The following TAFA5 variants were observed in gnomAD, a reference collection of about 807,000 sequenced individuals.
The protein encoded by TAFA5 is TAFA chemokine like family member 5.
A neutral mutation model predicts 15.3 loss-of-function variants in TAFA5; 6 were observed. That is an observed-to-expected ratio of 0.39 (90% CI 0.21 to 0.77). TAFA5 has a LOEUF of 0.77. Among genes scored for constraint, TAFA5 ranks in the 30% least tolerant of loss-of-function variants. The pLI, the probability that TAFA5 is intolerant of heterozygous loss-of-function variation, is 0.41. For synonymous variants in TAFA5, 103 were observed against 80.7 expected (o/e 1.28, Z -1.48); for missense variants, 161 against 193.1 (o/e 0.83, Z 0.98).
chr22:48,687,490 AT>A (rs1928401385), intron 2 of TAFA5, among the ~76,000 whole-genome samples: 2 of 151,990 alleles, frequency 1.3e-5, no homozygotes, highest in East Asian at 3.8e-4. Context: ...ATGGCTAAAT[AT>A]TTCCTGAACC....
At chr22:48,605,432 G>GTGA (rs1448468274) in intron 1 of TAFA5, among the ~76,000 whole-genome samples, 35 of 50,950 alleles carry the variant, frequency 6.9e-4, no homozygotes, top group South Asian at 1.3e-3. Context: ...GGTGGTGGTG[G>GTGA]TGGTGGTGGT....
At chr22:48,633,408 T>G (rs1258708274) in intron 1 of TAFA5, among the ~76,000 whole-genome samples, 2 of 152,128 alleles carry the variant, frequency 1.3e-5, no homozygotes, top group African/African-American at 4.8e-5. Flanking sequence ...ACAATACAGC[T>G]TATCTTCAGC....
chr22:48,592,109 C>T (rs1191869903), intron 1 of TAFA5, among the ~76,000 whole-genome samples: 1 of 151,978 alleles, frequency 6.6e-6, no homozygotes, highest in Non-Finnish European at 1.5e-5. Flanking sequence ...TCGGGCCCCA[C>T]CCTGAGGCCT....
chr22:48,729,271 T>TTATTTATAAATATATAATAATTTTA (rs1569096772), intron 3 of TAFA5, among the ~76,000 whole-genome samples: 6,402 of 139,144 alleles, frequency 0.046, 212 homozygotes, highest in Admixed American at 0.067. Flanking sequence ...AATTTTATAT[T>TTATTTATAAATATATAATAATTTTA]TATTTATAAA....
rs76441548 is a variant in TAFA5, at chr22:48,695,545, C to T, written c.263-12172C>T. On this transcript the variant is annotated intron_variant, in intron 2 of 3. Transcript: ENST00000402357. Reference sequence around the variant, plus strand: ...GTTGAGCTGAGTAATGTTATGGCCACGGTCTCAGGCAAAGGAGCACCACTT... The same window carrying T: ...GTTGAGCTGAGTAATGTTATGGCCATGGTCTCAGGCAAAGGAGCACCACTT... Among the ~76,000 whole-genome samples, 951 of 152,296 alleles carry T rather than the reference C, an allele frequency of 6.2e-3. 5 individuals are homozygous for T. Among genetic ancestry groups the T allele is most frequent in the African/African-American group, 0.022 (896 of 41,548 alleles).
intron 1 of TAFA5, among the ~76,000 whole-genome samples, chr22:48,617,190 G>T (rs28706934): frequency 6.7e-6 from 1 of 149,486 alleles, no homozygotes; most frequent in Non-Finnish European, 1.5e-5. Context: ...GCGTGACTGC[G>T]GCTTATCCAG....
chr22:48,711,794 A>C (rs957746013), intron 3 of TAFA5, among the ~76,000 whole-genome samples: 2 of 152,098 alleles, frequency 1.3e-5, no homozygotes, highest in African/African-American at 4.8e-5. Flanking sequence ...GCAGGCAGCC[A>C]CCCGCTCCCA....
chr22:48,700,968 G>A (rs1928887489), intron 2 of TAFA5, among the ~76,000 whole-genome samples: 1 of 152,164 alleles, frequency 6.6e-6, no homozygotes, highest in Admixed American at 6.5e-5. Flanking sequence ...TCAGCTGTCT[G>A]CTTCTCGTCC....
chr22:48,576,039 A>ACCCCCCCCCCCCCC lies in TAFA5; in HGVS notation c.113-70557_113-70544dup, dbSNP rs535068094. Among the ~76,000 whole-genome samples the ACCCCCCCCCCCCCC allele has an allele frequency of 2.5e-4, 8 of 31,432 alleles. 2 individuals carry two copies. Among genetic ancestry groups the ACCCCCCCCCCCCCC allele is most frequent in the African/African-American group, 9.4e-4 (4 of 4,258 alleles). The allele number at this position is 31,432 out of a possible 152,430, so 20.6% of individuals were successfully genotyped here. ...GAGGAGGGGGCCGGGGCCGCGCCGG[A>ACCCCCCCCCCCCCC]CCCCCCCCCCCCCCGCGCCGCCCGG... On this transcript the variant is annotated intron_variant, in intron 1 of 3. Coordinates refer to ENST00000402357, the MANE Select transcript of TAFA5 (RefSeq NM_001082967.3).
At chr22:48,714,559 G>C (rs1929346955) in intron 3 of TAFA5, among the ~76,000 whole-genome samples, 1 of 152,188 alleles carries the variant, frequency 6.6e-6, no homozygotes. Context: ...AGAGACCTGG[G>C]CGGCGTTGGA....
At chr22:48,746,986 C>G (rs1265831208) in intron 3 of TAFA5, among the ~76,000 whole-genome samples, 3 of 152,212 alleles carry the variant, frequency 2.0e-5, no homozygotes, top group Admixed American at 1.3e-4. Context: ...TCGCCCATAC[C>G]CTACAGAGTG....
chr22:48,618,335 C>T (rs1395111863), intron 1 of TAFA5, among the ~76,000 whole-genome samples: 4 of 152,214 alleles, frequency 2.6e-5, no homozygotes, highest in African/African-American at 7.2e-5. Flanking sequence ...CACTGACGCT[C>T]GCCTCTGCCA....
chr22:48,596,394 G>A (rs1031129667), intron 1 of TAFA5, among the ~76,000 whole-genome samples: 3 of 152,206 alleles, frequency 2.0e-5, no homozygotes, highest in Non-Finnish European at 4.4e-5. Context: ...GGTCCTCACT[G>A]ATTAACGCTC....
chr22:48,556,934 G>A (rs940241035), intron 1 of TAFA5, among the ~76,000 whole-genome samples: 9 of 152,316 alleles, frequency 5.9e-5, no homozygotes, highest in East Asian at 1.9e-4. Flanking sequence ...GCACAGACCC[G>A]CCTGCTTGGT....
At chr22:48,604,484 G>A (rs918248508) in intron 1 of TAFA5, among the ~76,000 whole-genome samples, 1 of 152,222 alleles carries the variant, frequency 6.6e-6, no homozygotes, top group Non-Finnish European at 1.5e-5. Flanking sequence ...GGGAAGACCT[G>A]GGCTGGCATC....
intron 1 of TAFA5, among the ~76,000 whole-genome samples, chr22:48,511,852 C>G (rs918352521): frequency 6.6e-6 from 1 of 152,222 alleles, no homozygotes. Flanking sequence ...CCCCCGAAGC[C>G]GAGGCTGATG....
At chr22:48,576,714 G>C (rs1569031649) in intron 1 of TAFA5, 2 of 1,043,668 alleles carry the variant, frequency 1.9e-6, no homozygotes, top group Non-Finnish European at 2.4e-6. Context: ...GCCCGGAGCG[G>C]CCGGCGGCGC....
intron 1 of TAFA5, among the ~76,000 whole-genome samples, chr22:48,507,861 A>G (rs1206083520): frequency 6.6e-6 from 1 of 152,146 alleles, no homozygotes; most frequent in Non-Finnish European, 1.5e-5. Flanking sequence ...TCCGTGGGCC[A>G]GGAAGCTGGG....
intron 1 of TAFA5, among the ~76,000 whole-genome samples, chr22:48,571,723 T>C (rs1415403918): frequency 2.0e-5 from 3 of 151,898 alleles, no homozygotes; most frequent in Non-Finnish European, 4.4e-5. Context: ...ATTTATTTAT[T>C]TGACTATTTC....
Sources: allele counts gnomAD v4.1 joint callset (sites outside exome capture counted in the v4.1 genomes callset), GRCh38; gene constraint gnomAD v4.1.1; transcripts MANE v1.5; gene names NCBI Gene and HGNC (gene_info 2026-07-23, HGNC 2026-07-21).